The following NGEF variants were observed in gnomAD, a reference collection of about 807,000 sequenced individuals.
The protein encoded by NGEF is ephexin-1.
Under a neutral mutation model 80.9 loss-of-function variants are expected in NGEF, and 31 were observed. The observed-to-expected ratio is 0.38, with a 90% CI of 0.29 to 0.52. The LOEUF (loss-of-function observed/expected upper bound fraction) is 0.52, where lower values mean the gene tolerates loss of function less well. NGEF is among the 20% of genes least tolerant of loss of function. The pLI is 0.84. For synonymous variants in NGEF, 371 were observed against 370.2 expected, an observed-to-expected ratio of 1.00 and a Z score of -0.03; for missense variants, 709 against 926.2, an observed-to-expected ratio of 0.77 and a Z score of 3.04.
chr2:232,944,431 A>T (rs949562433), intron 3 of NGEF, among the ~76,000 whole-genome samples: 3 of 152,036 alleles, frequency 2.0e-5, no homozygotes, highest in Non-Finnish European at 2.9e-5. Flanking sequence ...TCCTAAGGAG[A>T]CTGGTTGAAT....
In NGEF at chr2:232,879,432, C is replaced by CCG. The variant is rs1433422308; in HGVS notation, c.*56_*57insCG. 817 of 1,394,220 alleles carry CCG rather than the reference C, an allele frequency of 5.9e-4. 11 individuals are homozygous for CCG. The African/African-American group carries it at 0.011, about 19-fold the overall frequency. The allele number at this position is 1,394,220 out of a possible 1,614,324, so 86.4% of individuals were successfully genotyped here. On this transcript the variant is annotated 3_prime_UTR_variant, in exon 15 of 15. Coordinates refer to ENST00000264051, the MANE Select transcript of NGEF (RefSeq NM_019850.3). ...TGTGCTTCCCAGAGCCCCCCCCCCC[C>CCG]CACCTTCTGTCGGGGTCTCATGCAG... is the stretch of plus-strand genomic sequence containing the variant.
At chr2:232,922,894 AC>A (rs1692974405) in intron 4 of NGEF, among the ~76,000 whole-genome samples, 1 of 152,050 alleles carries the variant, frequency 6.6e-6, no homozygotes, top group African/African-American at 2.4e-5. Context: ...ACATGGCCAA[AC>A]TCCGTCTCTA....
intron 1 of NGEF, among the ~76,000 whole-genome samples, chr2:232,992,932 A>C (rs1014330651): frequency 1.3e-5 from 2 of 150,006 alleles, no homozygotes; most frequent in African/African-American, 4.9e-5. Context: ...GGTTGCGGTG[A>C]GCCCAGATTA....
chr2:232,891,479 T>C lies in NGEF; in HGVS notation c.1151A>G (p.Lys384Arg). The change falls in exon 8 of 15, where the codon AAG becomes AGG. Residue 384 changes from lysine (K) to arginine (R), a missense_variant. Physicochemically the swap from Lys to Arg is conservative, Grantham distance 26 (BLOSUM62 2). This residue lies in a region of NGEF where 426 missense variants were observed against 622.9 expected (regional missense o/e 0.68). Coordinates refer to ENST00000264051, the MANE Select transcript of NGEF (RefSeq NM_019850.3). The stretch of plus-strand genomic sequence containing the variant: ...CGCGATCAGCTCCCGGAAAGCTGCC[T>C]TCTCCTGGCTGGGGACACAGACAGG... ...ERTYKQLLQE[K>R]AAFRELIAQL... is the part of the protein sequence containing the mutation. 1 of 1,612,784 alleles carries C rather than the reference T, an allele frequency of 6.2e-7. No homozygotes were observed. The highest frequency in any genetic ancestry group is 1.1e-5 in the South Asian group (1 of 91,048).
chr2:232,908,175 A>T (rs577651117), intron 5 of NGEF, among the ~76,000 whole-genome samples: 31 of 152,368 alleles, frequency 2.0e-4, no homozygotes, highest in Non-Finnish European at 3.8e-4. Flanking sequence ...TTGTCTTACT[A>T]AACAATTTCC....
chr2:232,982,578 A>T lies in NGEF; in HGVS notation c.-74-7614T>A, dbSNP rs998240221. Among the ~76,000 whole-genome samples the T allele has an allele frequency of 2.6e-5, 4 of 152,100 alleles. No homozygotes were observed. The South Asian group carries it at 8.3e-4, about 32-fold the overall frequency. On this transcript the variant is annotated intron_variant, in intron 1 of 14. Transcript: ENST00000264051. ...ACCCAAGCTGGAGTGCAGTGGCACG[A>T]TCTCAGCTAACTGCAACCTCCACCT...
intron 1 of NGEF, among the ~76,000 whole-genome samples, chr2:233,005,276 C>T (rs180677269): frequency 6.6e-5 from 10 of 152,326 alleles, no homozygotes; most frequent in African/African-American, 1.4e-4. Flanking sequence ...CAGGTCGCTC[C>T]GCAGATGTGT....
intron 3 of NGEF, among the ~76,000 whole-genome samples, chr2:232,965,038 C>T (rs967858432): frequency 2.0e-5 from 3 of 152,202 alleles, no homozygotes; most frequent in Non-Finnish European, 2.9e-5. Flanking sequence ...GTAAGATGAC[C>T]TTCAATAAAG....
chr2:232,894,510 C>T (rs1235920320), intron 6 of NGEF: 5 of 359,874 alleles, frequency 1.4e-5, no homozygotes, highest in African/African-American at 4.0e-5. Flanking sequence ...GGATGCTCAG[C>T]GCAGAGCTTT....
chr2:232,963,509 G>T (rs1272140436), intron 3 of NGEF, among the ~76,000 whole-genome samples: 1 of 151,860 alleles, frequency 6.6e-6, no homozygotes. Flanking sequence ...AAAAATTTCT[G>T]CTCATTAAAA....
chr2:232,928,356 G>A (rs1693137903), intron 3 of NGEF, among the ~76,000 whole-genome samples: 1 of 151,200 alleles, frequency 6.6e-6, no homozygotes. Flanking sequence ...GCCGTGCCCC[G>A]ACCCGGAGAG....
At chr2:232,935,523 CAGG>C (rs1412169414) in intron 3 of NGEF, among the ~76,000 whole-genome samples, 1 of 151,682 alleles carries the variant, frequency 6.6e-6, no homozygotes, top group Non-Finnish European at 1.5e-5. Flanking sequence ...GAGGCTGAGG[CAGG>C]AGAATTGCTT....
chr2:232,985,998 C>T (rs1439454602), intron 1 of NGEF, among the ~76,000 whole-genome samples: 1 of 151,366 alleles, frequency 6.6e-6, no homozygotes, highest in Non-Finnish European at 1.5e-5. Context: ...CCAGCAGGCT[C>T]TTCCACTAAA....
At chr2:232,888,431 T>C (rs1249502661) in intron 8 of NGEF, among the ~76,000 whole-genome samples, 1 of 151,992 alleles carries the variant, frequency 6.6e-6, no homozygotes, top group African/African-American at 2.4e-5. Flanking sequence ...CGTGCATACA[T>C]GCTCACACAT....
intron 3 of NGEF, among the ~76,000 whole-genome samples, chr2:232,942,642 C>T (rs1207647556): frequency 1.3e-5 from 2 of 151,986 alleles, no homozygotes; most frequent in Non-Finnish European, 1.5e-5. Context: ...TTTGGGAGGC[C>T]GAGGTGGGTG....
At chr2:232,927,508 G>C (rs1693100550) in intron 3 of NGEF, among the ~76,000 whole-genome samples, 1 of 152,168 alleles carries the variant, frequency 6.6e-6, no homozygotes, top group South Asian at 2.1e-4. Flanking sequence ...ACAGCCCGAC[G>C]GGTCCCGCGG....
intron 3 of NGEF, among the ~76,000 whole-genome samples, chr2:232,946,748 A>G (rs1408413292): frequency 6.6e-6 from 1 of 152,242 alleles, no homozygotes; most frequent in Non-Finnish European, 1.5e-5. Flanking sequence ...AAGGAAGTGA[A>G]GGAAGTATTC....
chr2:232,899,723 T>C (rs539802986), intron 5 of NGEF, among the ~76,000 whole-genome samples: 1 of 128,678 alleles, frequency 7.8e-6, no homozygotes, highest in African/African-American at 3.0e-5. Context: ...CAGTCACTCA[T>C]ATACACGTTC....
intron 14 of NGEF, among the ~76,000 whole-genome samples, chr2:232,880,499 C>G (rs930979916): frequency 2.6e-5 from 4 of 152,204 alleles, no homozygotes; most frequent in African/African-American, 9.6e-5. Flanking sequence ...AGGTCACAGC[C>G]TGAGGCCTTC....
Sources: allele counts gnomAD v4.1 joint callset (sites outside exome capture counted in the v4.1 genomes callset), GRCh38; gene constraint gnomAD v4.1.1; regional missense constraint gnomAD v4.1.1; transcripts MANE v1.5; gene names NCBI Gene and HGNC (gene_info 2026-07-23, HGNC 2026-07-21).